The following BRINP1 variants were observed in gnomAD, a reference collection of about 807,000 sequenced individuals.
The protein encoded by BRINP1 is BMP/retinoic acid inducible neural specific 1, also known as BMP/retinoic acid-inducible neural-specific protein 1.
BRINP1 carries 17 observed loss-of-function variants against 72.9 expected under a neutral mutation model. That is an observed-to-expected ratio of 0.23 (90% CI 0.16 to 0.35). The LOEUF (loss-of-function observed/expected upper bound fraction) is 0.35, where lower values mean the gene tolerates loss of function less well. BRINP1 is among the 10% of genes least tolerant of loss of function. The pLI is 1.00. For synonymous variants in BRINP1, 418 were observed against 378.5 expected, an observed-to-expected ratio of 1.10 and a Z score of -1.21; for missense variants, 850 against 1,001.6, an observed-to-expected ratio of 0.85 and a Z score of 2.04.
rs570373851 is a variant in BRINP1, at chr9:119,238,031, T to A, written c.685+624A>T. Among the ~76,000 whole-genome samples the A allele has an allele frequency of 1.1e-4, 16 of 152,332 alleles. No individual in the cohort carries two copies. The East Asian group carries it at 2.5e-3, about 24-fold the overall frequency. ...ATCAGAAACCTTTTATTTATTAACA[T>A]TATATCACATTATTTTTACATATTA... On this transcript the variant is annotated intron_variant, in intron 5 of 7. Transcript: ENST00000265922.
chr9:119,272,079 G>GT (rs1377585717), intron 2 of BRINP1, among the ~76,000 whole-genome samples: 1 of 92,752 alleles, frequency 1.1e-5, no homozygotes, highest in African/African-American at 3.9e-5. Flanking sequence ...TACTTTTTTG[G>GT]TTTTTTTGAG....
At chr9:119,334,804 A>G (rs1224214267) in intron 1 of BRINP1, among the ~76,000 whole-genome samples, 1 of 152,040 alleles carries the variant, frequency 6.6e-6, no homozygotes, top group Non-Finnish European at 1.5e-5. Context: ...ATAGAGAGAG[A>G]GAGAGAATCA....
chr9:119,270,963 A>C (rs1030808980), intron 2 of BRINP1, among the ~76,000 whole-genome samples: 4 of 152,158 alleles, frequency 2.6e-5, no homozygotes, highest in African/African-American at 9.7e-5. Flanking sequence ...AAATAGAGTA[A>C]GTATAAGAAA....
At chr9:119,271,114 T>A (rs1830601104) in intron 2 of BRINP1, among the ~76,000 whole-genome samples, 2 of 152,144 alleles carry the variant, frequency 1.3e-5, no homozygotes, top group Non-Finnish European at 2.9e-5. Flanking sequence ...GAAGTAAGAT[T>A]TGAGCTGATA....
rs559147010 is a variant in BRINP1, at chr9:119,291,037, C to A, written c.218+22101G>T. ...ACTTCGGAGGCTGAGGCAGGAGAAG[C>A]GCTTGAACCTGGGAGGCAGAGGTTG... On this transcript the variant is annotated intron_variant, in intron 2 of 7. Transcript: ENST00000265922. 6.1e-3 allele frequency among the ~76,000 whole-genome samples: 924 copies of A among 151,120 alleles called. 5 individuals are homozygous for A. The highest frequency in any genetic ancestry group is 0.01 in the Non-Finnish European group (701 of 67,830).
chr9:119,299,574 T>C (rs971490382), intron 2 of BRINP1, among the ~76,000 whole-genome samples: 12 of 151,028 alleles, frequency 7.9e-5, no homozygotes, highest in South Asian at 4.2e-4. Flanking sequence ...GACTGCACCA[T>C]TGCACTCGAG....
Position 119,167,374 on chromosome 9 carries a change from C to G in BRINP1, c.1996G>C (p.Ala666Pro). Reference sequence around the variant, plus strand: ...TGCACTGCACTGCGCAGGAGGTCGGCGTTGAACCTCAGGCTATACCCAAAC... The same window carrying G: ...TGCACTGCACTGCGCAGGAGGTCGGGGTTGAACCTCAGGCTATACCCAAAC... ...QVFGYSLRFN[A>P]DLLRSAVQQV... The change falls in exon 8 of 8, where the codon GCC becomes CCC. Residue 666 changes from alanine to proline, a missense_variant. Ala to Pro is a conservative substitution (Grantham distance 27, BLOSUM62 -1). Transcript: ENST00000265922. This position sits in a 1 kb window ranked among gnomAD's most constrained non-coding sequence, Gnocchi z 4.3. The G allele has an allele frequency of 6.2e-7, 1 of 1,614,008 alleles. No individual in the cohort carries two copies. Among genetic ancestry groups the G allele is most frequent in the Non-Finnish European group, 8.5e-7 (1 of 1,180,000 alleles).
At chr9:119,242,393 C>T (rs1830261326) in intron 3 of BRINP1, among the ~76,000 whole-genome samples, 177 bp from the exon 4 acceptor site, 1 of 152,164 alleles carries the variant, frequency 6.6e-6, no homozygotes, top group Non-Finnish European at 1.5e-5. Flanking sequence ...TGGCTGTAAA[C>T]ACCAGGCTTC....
intron 2 of BRINP1, among the ~76,000 whole-genome samples, chr9:119,250,570 C>T (rs970313808): frequency 6.6e-6 from 1 of 152,208 alleles, no homozygotes; most frequent in African/African-American, 2.4e-5. Flanking sequence ...CTGCAAGGTG[C>T]TAATTTAATG....
intron 5 of BRINP1, among the ~76,000 whole-genome samples, chr9:119,236,265 G>A (rs1196269843): frequency 3.3e-5 from 5 of 152,254 alleles, no homozygotes; most frequent in Admixed American, 2.0e-4. Context: ...CCCATCTAGG[G>A]TAGGACAGTA....
Position 119,168,046 on chromosome 9 carries a change from C to G in BRINP1, c.1324G>C (p.Ala442Pro). Residue 442 changes from alanine (A) to proline (P), a missense_variant, in exon 8 of 8, where the codon GCC becomes CCC. Physicochemically the swap from Ala to Pro is conservative, Grantham distance 27. Transcript: ENST00000265922. ...GNNSCAMCSL[A>P]NISLCGSCNK... ...CAGGAGCCGCAGAGGGAGATGTTGG[C>G]CAGGCTGCACATGGCGCAGCTGTTG... 1 of 1,611,740 alleles carries G rather than the reference C, an allele frequency of 6.2e-7. No homozygotes were observed. The highest frequency in any genetic ancestry group is 1.1e-5 in the South Asian group (1 of 90,876).
chr9:119,343,120 T>G (rs1002261630), intron 1 of BRINP1, among the ~76,000 whole-genome samples: 1 of 152,222 alleles, frequency 6.6e-6, no homozygotes. Flanking sequence ...AGTGTCAAGC[T>G]GAGCTTCCTC....
chr9:119,286,424 T>C (rs978522257), intron 2 of BRINP1, among the ~76,000 whole-genome samples: 1 of 152,022 alleles, frequency 6.6e-6, no homozygotes, highest in Non-Finnish European at 1.5e-5. Context: ...TTAGTAGAGA[T>C]GGGGTTTCAC....
At chr9:119,330,115 A>AT (rs1242775248) in intron 1 of BRINP1, among the ~76,000 whole-genome samples, 1 of 152,006 alleles carries the variant, frequency 6.6e-6, no homozygotes, top group East Asian at 1.9e-4. Context: ...GAGGGTGCCA[A>AT]TTTTTTTTAA....
At chr9:119,266,588 G>A (rs1189457507) in intron 2 of BRINP1, among the ~76,000 whole-genome samples, 1 of 152,172 alleles carries the variant, frequency 6.6e-6, no homozygotes, top group Non-Finnish European at 1.5e-5. Context: ...ACCACACTGT[G>A]AAACAGATCT....
At chr9:119,316,833 C>A (rs1405734786) in intron 1 of BRINP1, among the ~76,000 whole-genome samples, 15 of 152,052 alleles carry the variant, frequency 9.9e-5, no homozygotes, top group Admixed American at 9.8e-4. Flanking sequence ...TAGATCAAGG[C>A]ATGATTTTGA....
intron 7 of BRINP1, among the ~76,000 whole-genome samples, chr9:119,175,144 A>G (rs1829470838): frequency 6.8e-6 from 1 of 147,332 alleles, no homozygotes; most frequent in South Asian, 2.2e-4. Flanking sequence ...ACAAAAAAAA[A>G]AAGAAAATGT....
intron 3 of BRINP1, among the ~76,000 whole-genome samples, chr9:119,243,049 A>G (rs1206613788): frequency 6.6e-6 from 1 of 152,056 alleles, no homozygotes; most frequent in African/African-American, 2.4e-5. Flanking sequence ...CATTATCACA[A>G]ACTGGTGCAA....
At chr9:119,324,167 CAATT>C (rs970000928) in intron 1 of BRINP1, among the ~76,000 whole-genome samples, 2 of 151,342 alleles carry the variant, frequency 1.3e-5, no homozygotes, top group African/African-American at 2.4e-5. Context: ...TACAAACGTC[CAATT>C]AATTCCAATG....
Sources: allele counts gnomAD v4.1 joint callset (sites outside exome capture counted in the v4.1 genomes callset), GRCh38; gene constraint gnomAD v4.1.1; non-coding constraint Gnocchi (gnomAD v3.1); transcripts MANE v1.5; gene names NCBI Gene and HGNC (gene_info 2026-07-23, HGNC 2026-07-21).